Variants in FHIP1B observed in about 807,000 individuals in gnomAD.
FHIP1B encodes the protein FHF complex subunit HOOK interacting protein 1B.
In FHIP1B, 28 loss-of-function variants were observed where a neutral mutation model predicts 82.2. The ratio of observed to expected loss-of-function variants is 0.34; its 90% CI spans 0.25 to 0.47. The LOEUF is 0.47. FHIP1B is among the 20% of genes least tolerant of loss of function. FHIP1B has a pLI of 1.00. For missense variants in FHIP1B, 1,110 were observed against 1,262.6 expected (o/e 0.88, Z 1.83); for synonymous variants, 585 against 516.1 (o/e 1.13, Z -1.81).
chr11:6,219,567 C>G (rs565700319), intron 6 of FHIP1B, among the ~76,000 whole-genome samples: 1 of 152,306 alleles, frequency 6.6e-6, no homozygotes, highest in South Asian at 2.1e-4. Context: ...CTCTCTAACA[C>G]TAGTGTATCT....
intron 1 of FHIP1B, among the ~76,000 whole-genome samples, chr11:6,225,527 T>C (rs955704546): frequency 1.3e-5 from 2 of 152,214 alleles, no homozygotes; most frequent in Admixed American, 1.3e-4. Flanking sequence ...TTCCCCACAT[T>C]AGGTAGCTTC....
chr11:6,223,287 T>C lies in FHIP1B; in HGVS notation c.778-49A>G. The C allele has an allele frequency of 1.9e-6, 3 of 1,542,620 alleles. No individual in the cohort carries two copies. Among genetic ancestry groups the C allele is most frequent in the South Asian group, 1.2e-5 (1 of 81,272 alleles). On this transcript the variant is annotated intron_variant, in intron 3 of 11. Transcript: ENST00000449352. This position sits in a 1 kb window ranked among gnomAD's most constrained non-coding sequence, Gnocchi z 4.8. ...ATATATAAAATACATTTATAAAATA[T>C]AAAAACTGGAACAGGGGAGCTAGTA... is the stretch of plus-strand genomic sequence containing the variant.
Position 6,217,798 on chromosome 11 carries a change from G to A in FHIP1B, c.1788C>T (p.Ser596=), listed in dbSNP as rs780071825. ...TGTTCCTGTCCTCCTCAGGCAGTAG[G>A]CTGCGTTTCTTAGTCCGGGAGCCAA... is the stretch of plus-strand genomic sequence containing the variant. ...SPFGSRTKKR[S]LLPEEDRNNV... Residue 596 remains serine, a synonymous_variant, in exon 9 of 12, where the codon AGC becomes AGT. Transcript: ENST00000449352. The A allele has an allele frequency of 4.3e-6, 7 of 1,612,198 alleles. No individual in the cohort carries two copies. The highest frequency in any genetic ancestry group is 5.9e-6 in the Non-Finnish European group (7 of 1,178,932).
At position 6,224,136 on chromosome 11, in the gene FHIP1B, C is replaced by T. The variant is rs147446550; in HGVS notation, c.251G>A (p.Arg84His). Residue 84 changes from arginine to histidine, a missense_variant, in exon 3 of 12, where the codon CGT (arginine) becomes CAT (histidine). By Grantham distance (29) the Arg-to-His change is conservative. Around this residue, in one of 6 missense-constraint regions of FHIP1B, gnomAD observed 467 missense variants for 602.9 expected, o/e 0.77. Coordinates refer to ENST00000449352, the MANE Select transcript of FHIP1B (RefSeq NM_001098794.2). ...GCCTGTGGGGGCCGAGGGAACTGCA[C>T]GGTCCTCTGCCAGCAGTGTCAACAT... ...YQMLTLLAED[R>H]AVPSAPTGPG... The T allele has an allele frequency of 1.4e-5, 23 of 1,614,080 alleles. No homozygotes were observed. The highest frequency in any genetic ancestry group is 5.0e-5 in the Admixed American group (3 of 60,010).
rs369543757 is a variant in FHIP1B, at chr11:6,218,103, G to A, written c.1483C>T (p.Arg495Trp). 98 of 1,613,336 alleles carry A rather than the reference G, an allele frequency of 6.1e-5. No individual in the cohort carries two copies. Among genetic ancestry groups the A allele is most frequent in the Middle Eastern group, 3.3e-4 (2 of 6,058 alleles). Residue 495 changes from arginine to tryptophan, a missense_variant, in exon 9 of 12, where the codon CGG becomes TGG. Physicochemically the swap from Arg to Trp is moderately radical, Grantham distance 101. Coordinates refer to ENST00000449352, the MANE Select transcript of FHIP1B (RefSeq NM_001098794.2). ...GCCAGACGAGATGGTGTGGAGGGCC[G>A]GGGTACTGTCGTCACAGAAGAGGAG... ...VDSSSVTTVP[R>W]PSTPSRLALF... is the part of the protein sequence containing the mutation.
chr11:6,232,319 C>T (rs1482580190), intron 1 of FHIP1B, among the ~76,000 whole-genome samples: 1 of 152,200 alleles, frequency 6.6e-6, no homozygotes, highest in African/African-American at 2.4e-5. Flanking sequence ...TGATATGATC[C>T]ACTATCAAGA....
chr11:6,217,906 A>G lies in FHIP1B; in HGVS notation c.1680T>C (p.Arg560=). 1 of 1,613,030 alleles carries G rather than the reference A, an allele frequency of 6.2e-7. No individual in the cohort carries two copies. The highest frequency in any genetic ancestry group is 1.1e-5 in the South Asian group (1 of 91,086). The part of the protein sequence containing the change: ...NYLEYLREAR[R]GVDRCVRACR... The stretch of plus-strand genomic sequence containing the variant: ...AGGCTCGGACACAGCGGTCCACACC[A>G]CGACGTGCCTCACGCAGATACTCCA... The change falls in exon 9 of 12, where the codon CGT becomes CGC. Residue 560 remains arginine (R), a synonymous_variant. Coordinates refer to ENST00000449352, the MANE Select transcript of FHIP1B (RefSeq NM_001098794.2).
At chr11:6,212,240 G>A (rs539955231) in intron 11 of FHIP1B, among the ~76,000 whole-genome samples, 4 of 152,086 alleles carry the variant, frequency 2.6e-5, no homozygotes, top group South Asian at 4.2e-4. Context: ...TCACCCTGAC[G>A]AATTCTCCTA....
At chr11:6,215,187 T>C in intron 9 of FHIP1B, 1 of 322,058 alleles carries the variant, frequency 3.1e-6, no homozygotes, top group Non-Finnish European at 5.6e-6. Context: ...TTTCACTGGC[T>C]TTGCCCTTTA....
chr11:6,212,977 G>C (rs1847114594), intron 11 of FHIP1B, among the ~76,000 whole-genome samples: 1 of 152,052 alleles, frequency 6.6e-6, no homozygotes, highest in African/African-American at 2.4e-5. Flanking sequence ...GTCTTCCACT[G>C]ACTCCCAATT....
intron 1 of FHIP1B, among the ~76,000 whole-genome samples, chr11:6,231,881 G>T (rs1446937365): frequency 6.6e-6 from 1 of 152,078 alleles, no homozygotes; most frequent in Non-Finnish European, 1.5e-5. Flanking sequence ...CTCCCTACTA[G>T]ACTGAAAATC....
Position 6,217,430 on chromosome 11 carries a change from C to T in FHIP1B, c.2156G>A (p.Gly719Asp). 3.7e-6 allele frequency: 6 copies of T among 1,613,980 alleles called. No homozygotes were observed. The highest frequency in any genetic ancestry group is 5.1e-6 in the Non-Finnish European group (6 of 1,179,954). The part of the protein sequence containing the change: ...ESFTCPPEPP[G>D]PFLSSPLRTL... ...CCGCAAAGGGCTGCTGAGGAAGGGG[C>T]CAGGGGGCTCAGGGGGACAGGTGAA... The change falls in exon 9 of 12, where the codon GGC (glycine) becomes GAC (aspartate). Residue 719 changes from glycine (G) to aspartate (D), a missense_variant. Gly to Asp is a moderately conservative substitution (Grantham distance 94, BLOSUM62 -1). Coordinates refer to ENST00000449352, the MANE Select transcript of FHIP1B (RefSeq NM_001098794.2).
intron 11 of FHIP1B, 108 bp downstream of exon 11, chr11:6,214,303 A>G: frequency 2.3e-6 from 3 of 1,319,786 alleles, no homozygotes; most frequent in South Asian, 2.9e-5. Context: ...ATTTTCTACA[A>G]CTCACTAGGT....
chr11:6,217,969 G>A lies in FHIP1B; in HGVS notation c.1617C>T (p.Thr539=), dbSNP rs2133802599. 1 of 1,613,258 alleles carries A rather than the reference G, an allele frequency of 6.2e-7. No individual in the cohort carries two copies. Among genetic ancestry groups the A allele is most frequent in the Non-Finnish European group, 8.5e-7 (1 of 1,180,032 alleles). ...CCAGCTCTCCAGGCTCCTCTGCAGG[G>A]GTAGGCCGTCGGCCAGGGCTGGAGG... The part of the protein sequence containing the change: ...SPASSPGRRP[T]PAEEPGELED... The change falls in exon 9 of 12, where the codon ACC becomes ACT. Residue 539 remains threonine, a synonymous_variant. Transcript: ENST00000449352.
intron 1 of FHIP1B, among the ~76,000 whole-genome samples, chr11:6,226,313 A>C (rs765956248): frequency 2.0e-5 from 3 of 152,246 alleles, no homozygotes; most frequent in Non-Finnish European, 4.4e-5. Context: ...GGGCTTACTC[A>C]TTAACTCAAT....
At chr11:6,226,465 G>A (rs1036520066) in intron 1 of FHIP1B, among the ~76,000 whole-genome samples, 3 of 152,140 alleles carry the variant, frequency 2.0e-5, no homozygotes, top group Non-Finnish European at 4.4e-5. Context: ...GTGTCATGGG[G>A]GCATGAAGGA....
At chr11:6,217,231 G>T in intron 9 of FHIP1B, 140 bp downstream of exon 9, 1 of 761,328 alleles carries the variant, frequency 1.3e-6, no homozygotes, top group East Asian at 2.6e-5. Flanking sequence ...CACGTATCTG[G>T]AAGTGATGCA....
rs374459264 is a variant in FHIP1B at position 6,223,030 on chromosome 11, C to A, written c.936+50G>T. The A allele has an allele frequency of 6.3e-7, 1 of 1,575,422 alleles. No individual in the cohort carries two copies. Among genetic ancestry groups the A allele is most frequent in the Non-Finnish European group, 8.6e-7 (1 of 1,160,494 alleles). ...GACAGAACTCCAGGGAATATACCCC[C>A]TCCTACCTAATCTCCCAAAAATGAC... is the stretch of plus-strand genomic sequence containing the variant. On this transcript the variant is annotated intron_variant, in intron 4 of 11. Coordinates refer to ENST00000449352, the MANE Select transcript of FHIP1B (RefSeq NM_001098794.2). This position sits in a 1 kb window ranked among gnomAD's most constrained non-coding sequence, Gnocchi z 4.8.
rs1278779689 is a variant in FHIP1B, at chr11:6,223,742, G to A, written c.645C>T (p.Arg215=). The change falls in exon 3 of 12, where the codon CGC becomes CGT. Residue 215 remains arginine (R), a synonymous_variant. Transcript: ENST00000449352. This position sits in a 1 kb window ranked among gnomAD's most constrained non-coding sequence, Gnocchi z 4.8. ...GAAPRLLLFS[R]LVPFVHREGT... is the part of the protein sequence containing the mutation. Reference sequence around the variant, plus strand: ...CCTCTCGATGCACAAAAGGGACAAGGCGAGAAAAGAGAAGAAGACGGGGAG... The same window carrying A: ...CCTCTCGATGCACAAAAGGGACAAGACGAGAAAAGAGAAGAAGACGGGGAG... 1 of 1,614,234 alleles carries A rather than the reference G, an allele frequency of 6.2e-7. No homozygotes were observed. The highest frequency in any genetic ancestry group is 8.5e-7 in the Non-Finnish European group (1 of 1,180,034).
Sources: allele counts gnomAD v4.1 joint callset (sites outside exome capture counted in the v4.1 genomes callset), GRCh38; gene constraint gnomAD v4.1.1; regional missense constraint gnomAD v4.1.1; non-coding constraint Gnocchi (gnomAD v3.1); transcripts MANE v1.5; gene names NCBI Gene and HGNC (gene_info 2026-07-23, HGNC 2026-07-21).